The following IL5RA variants were observed in gnomAD, a reference collection of about 807,000 sequenced individuals.
IL5RA encodes the protein interleukin 5 receptor subunit alpha, also known as interleukin-5 receptor subunit alpha.
Under a neutral mutation model 50.0 loss-of-function variants are expected in IL5RA, and 49 were observed. That is an observed-to-expected ratio of 0.98 (90% CI 0.78 to 1.24). The LOEUF is 1.24. Ranked by LOEUF, IL5RA falls within the 50% of genes most tolerant of loss-of-function variation. IL5RA has a pLI of 0.00. For synonymous variants in IL5RA, 202 were observed against 174.0 expected (o/e 1.16, Z -1.26); for missense variants, 600 against 500.4 (o/e 1.20, Z -1.90).
chr3:3,104,226 T>G (rs1703796830), intron 3 of IL5RA, among the ~76,000 whole-genome samples: 1 of 152,092 alleles, frequency 6.6e-6, no homozygotes, highest in Non-Finnish European at 1.5e-5. Context: ...TTTAGTAGAG[T>G]TGGGGTTTCA....
At chr3:3,096,289 A>AAAGAAGGAG (rs1703364975) in intron 7 of IL5RA, among the ~76,000 whole-genome samples, 1 of 141,340 alleles carries the variant, frequency 7.1e-6, no homozygotes, top group Non-Finnish European at 1.5e-5. Flanking sequence ...AAAAAAAAAA[A>AAAGAAGGAG]AAGAAGAAGA....
chr3:3,078,625 G>C (rs1279461113), intron 9 of IL5RA, among the ~76,000 whole-genome samples: 1 of 152,162 alleles, frequency 6.6e-6, no homozygotes, highest in Admixed American at 6.5e-5. Flanking sequence ...CTTGAGGTCA[G>C]GAGTTCAAGA....
At chr3:3,103,473 A>G (rs538926334) in intron 3 of IL5RA, among the ~76,000 whole-genome samples, 1 of 152,338 alleles carries the variant, frequency 6.6e-6, no homozygotes, top group African/African-American at 2.4e-5. Flanking sequence ...CGTTTCCACT[A>G]CATAAAGGTA....
At chr3:3,075,560 C>T (rs985805917) in intron 10 of IL5RA, among the ~76,000 whole-genome samples, 5 of 151,462 alleles carry the variant, frequency 3.3e-5, no homozygotes, top group African/African-American at 1.2e-4. Flanking sequence ...TAGATGCCAT[C>T]CGAATATAAC....
At chr3:3,105,035 A>AG in intron 2 of IL5RA, 48 bp from the exon 3 acceptor site, 1 of 1,181,160 alleles carries the variant, frequency 8.5e-7, no homozygotes, top group Non-Finnish European at 1.3e-6. Flanking sequence ...GCTATTTTTA[A>AG]GAAAAACTGA....
chr3:3,102,773 C>A lies in IL5RA; in HGVS notation c.130G>T (p.Ala44Ser), dbSNP rs762275175. The change falls in exon 4 of 12, where the codon GCT becomes TCT. Residue 44 changes from alanine (A) to serine (S), a missense_variant. Physicochemically the swap from Ala to Ser is moderately conservative, Grantham distance 99. Coordinates refer to ENST00000446632, the MANE Select transcript of IL5RA (RefSeq NM_175726.4). ...VNFTIKVTGL[A>S]QVLLQWKPNP... ...GGTTTCCATTGTAAAAGAACTTGAG[C>A]CAAACCAGTAACTTTAATGGTGAAA... is the stretch of plus-strand genomic sequence containing the variant. 6.2e-7 allele frequency: 1 copy of A among 1,611,346 alleles called. No homozygotes were observed. Among genetic ancestry groups the A allele is most frequent in the Non-Finnish European group, 8.5e-7 (1 of 1,178,326 alleles).
chr3:3,105,582 T>A (rs1400461970), intron 2 of IL5RA: 2 of 151,592 alleles, frequency 1.3e-5, no homozygotes, highest in Non-Finnish European at 2.9e-5. Flanking sequence ...CTTGTGGTAC[T>A]TTGAAGAGTG....
chr3:3,103,480 G>A (rs1273848575), intron 3 of IL5RA, among the ~76,000 whole-genome samples: 3 of 152,104 alleles, frequency 2.0e-5, no homozygotes, highest in Non-Finnish European at 2.9e-5. Context: ...ACTACATAAA[G>A]GTAGTTATAT....
rs1039333446 is a variant in IL5RA at position 3,067,028 on chromosome 3, A to T, written c.*3197T>A. On this transcript the variant is annotated 3_prime_UTR_variant, in exon 12 of 12. Coordinates refer to ENST00000446632, the MANE Select transcript of IL5RA (RefSeq NM_175726.4). ...ATGGCAAGAGATGGGAGCCAATATCATGACTTTACCTTACATCAACCTGCT... is the reference window on the plus strand; with the variant it reads ...ATGGCAAGAGATGGGAGCCAATATCTTGACTTTACCTTACATCAACCTGCT... The T allele has an allele frequency of 6.6e-6, 1 of 152,270 alleles. No individual in the cohort carries two copies. The highest frequency in any genetic ancestry group is 1.5e-5 in the Non-Finnish European group (1 of 68,058). The allele number at this position is 152,270 out of a possible 1,614,324, so 9.4% of individuals were successfully genotyped here.
rs1702187628 is a variant in IL5RA, at chr3:3,068,347, G to GT, written c.*1877dup. On this transcript the variant is annotated 3_prime_UTR_variant, in exon 12 of 12. Coordinates refer to ENST00000446632, the MANE Select transcript of IL5RA (RefSeq NM_175726.4). ...AGTACTTTGGAAGGCTGAGGCCGGT[G>GT]TATCGCTTGAGCCCAGGAGTTCGAG... 2 of 152,088 alleles carry GT rather than the reference G, an allele frequency of 1.3e-5. No homozygotes were observed. The highest frequency in any genetic ancestry group is 1.3e-4 in the Admixed American group (2 of 15,238). 9.4% of individuals were successfully genotyped at this position (152,088 alleles called of 1,614,324 possible). A position where few individuals can be genotyped will look rare whatever the true frequency, so the allele number is the denominator to read the frequency against.
At chr3:3,094,794 C>G (rs1703276859) in intron 8 of IL5RA, among the ~76,000 whole-genome samples, 1 of 152,162 alleles carries the variant, frequency 6.6e-6, no homozygotes, top group South Asian at 2.1e-4. Context: ...GCCATCTCAG[C>G]TTACTGCAAC....
In IL5RA at chr3:3,070,325, C is replaced by A. The variant is rs757697785; in HGVS notation, c.1177-14G>T. ...GGACCCAGCTTTCTGCAAAACAAATCATCTTTCCTTAGATGTCTTTTAGAG... is the reference window on the plus strand; with the variant it reads ...GGACCCAGCTTTCTGCAAAACAAATAATCTTTCCTTAGATGTCTTTTAGAG... On this transcript the variant is annotated splice_polypyrimidine_tract_variant and intron_variant, in intron 11 of 11. Coordinates refer to ENST00000446632, the MANE Select transcript of IL5RA (RefSeq NM_175726.4). 10 of 1,582,674 alleles carry A rather than the reference C, an allele frequency of 6.3e-6. No homozygotes were observed. In the African/African-American group the frequency reaches 8.1e-5, roughly 13 times the overall value.
At chr3:3,073,428 C>T (rs555031496) in intron 11 of IL5RA, among the ~76,000 whole-genome samples, 2 of 152,280 alleles carry the variant, frequency 1.3e-5, no homozygotes, top group South Asian at 4.1e-4. Flanking sequence ...TACTGGAGCA[C>T]AGCCACGCTC....
Position 3,070,325 on chromosome 3 carries a change from C to T in IL5RA, c.1177-14G>A. 2 of 1,582,792 alleles carry T rather than the reference C, an allele frequency of 1.3e-6. No homozygotes were observed. The highest frequency in any genetic ancestry group is 1.7e-6 in the Non-Finnish European group (2 of 1,153,432). ...GGACCCAGCTTTCTGCAAAACAAAT[C>T]ATCTTTCCTTAGATGTCTTTTAGAG... is the stretch of plus-strand genomic sequence containing the variant. On this transcript the variant is annotated splice_polypyrimidine_tract_variant and intron_variant, in intron 11 of 11. Transcript: ENST00000446632.
At chr3:3,102,900 T>C in intron 3 of IL5RA, 80 bp from the exon 4 acceptor site, 3 of 1,221,174 alleles carry the variant, frequency 2.5e-6, no homozygotes, top group Non-Finnish European at 3.4e-6. Context: ...CGAATATTTA[T>C]TGCCCTGCAG....
rs59813986 is a variant in IL5RA at position 3,069,630 on chromosome 3, T to TTCTCTC, written c.*589_*594dup. 0.22 allele frequency: 32,930 copies of TTCTCTC among 146,910 alleles called. 3,690 individuals are homozygous for TTCTCTC. Among genetic ancestry groups the TTCTCTC allele is most frequent in the South Asian group, 0.28 (1,270 of 4,586 alleles). 9.1% of individuals were successfully genotyped at this position (146,910 alleles called of 1,614,324 possible). ...TCAGGCCTCTGGAGCTTGAGATAATTTCTCTCTCTCTCTCTCTCTCTCTCT... is the reference window on the plus strand; with the variant it reads ...TCAGGCCTCTGGAGCTTGAGATAATTTCTCTCTCTCTCTCTCTCTCTCTCTCTCTCT... On this transcript the variant is annotated 3_prime_UTR_variant, in exon 12 of 12. Transcript: ENST00000446632.
In IL5RA at chr3:3,077,766, C is replaced by T. The variant is rs150593496; in HGVS notation, c.995-1139G>A. On this transcript the variant is annotated intron_variant, in intron 9 of 11. Transcript: ENST00000446632. Reference sequence around the variant, plus strand: ...CTGGGGGACAGAATGAGACTCTGTCCCCCACCAGCCCCCCTGCAAAAAAAG... The same window carrying T: ...CTGGGGGACAGAATGAGACTCTGTCTCCCACCAGCCCCCCTGCAAAAAAAG... 2.1e-3 allele frequency among the ~76,000 whole-genome samples: 320 copies of T among 151,306 alleles called. 1 individual carries two copies. Among genetic ancestry groups the T allele is most frequent in the Non-Finnish European group, 4.1e-3 (274 of 67,472 alleles).
At chr3:3,100,896 C>T (rs964373002) in intron 5 of IL5RA, among the ~76,000 whole-genome samples, 6 of 151,840 alleles carry the variant, frequency 4.0e-5, no homozygotes, top group East Asian at 1.9e-4. Flanking sequence ...TCTGTAACCC[C>T]AGCACTTTGG....
intron 2 of IL5RA, chr3:3,105,653 T>C (rs2125986865): frequency 7.3e-6 from 1 of 136,400 alleles, no homozygotes; most frequent in African/African-American, 2.8e-5. Flanking sequence ...AGGGAGCGGA[T>C]CACAAAAGAA....
Sources: allele counts gnomAD v4.1 joint callset (sites outside exome capture counted in the v4.1 genomes callset), GRCh38; gene constraint gnomAD v4.1.1; transcripts MANE v1.5; gene names NCBI Gene and HGNC (gene_info 2026-07-23, HGNC 2026-07-21).